ZNF704: variants seen among roughly 807,000 people sequenced by gnomAD.
The protein encoded by ZNF704 is zinc finger protein 704.
Under a neutral mutation model 44.7 loss-of-function variants are expected in ZNF704, and 10 were observed. That is an observed-to-expected ratio of 0.22 (90% confidence interval 0.14 to 0.38). The LOEUF is 0.38. Among genes scored for constraint, ZNF704 ranks in the 10% least tolerant of loss-of-function variants. ZNF704 has a pLI of 1.00. For synonymous variants in ZNF704, 211 were observed against 207.6 expected, an observed-to-expected ratio of 1.02 and a Z score of -0.14; for missense variants, 390 against 545.5, an observed-to-expected ratio of 0.71 and a Z score of 2.84.
intron 2 of ZNF704, among the ~76,000 whole-genome samples, chr8:80,798,333 G>A (rs944258619): frequency 6.6e-5 from 10 of 151,156 alleles, no homozygotes; most frequent in Admixed American, 2.6e-4. Context: ...TTAGCTCACC[G>A]CAACCTCCGC....
chr8:80,862,322 AATAAAG>A (rs1480760358), intron 1 of ZNF704, among the ~76,000 whole-genome samples: 5 of 152,114 alleles, frequency 3.3e-5, no homozygotes, highest in African/African-American at 1.2e-4. Flanking sequence ...TAGTTTTAAA[AATAAAG>A]ATAATTTTTC....
intron 2 of ZNF704, among the ~76,000 whole-genome samples, chr8:80,733,865 G>T (rs1806622442): frequency 6.6e-6 from 1 of 152,056 alleles, no homozygotes; most frequent in Non-Finnish European, 1.5e-5. Context: ...GTTCTCAGAG[G>T]GAAGGATGGT....
In ZNF704 at chr8:80,653,778, T is replaced by C. The variant is rs565073076; in HGVS notation, c.1032+5807A>G. Among the ~76,000 whole-genome samples, 10 of 152,318 alleles carry C rather than the reference T, an allele frequency of 6.6e-5. No individual in the cohort carries two copies. The East Asian group carries it at 9.6e-4, about 15-fold the overall frequency. The stretch of plus-strand genomic sequence containing the variant: ...TGGCCATACTGCCCAAGGTAATTCA[T>C]AGATTCAATGTCATCCCCATCAAGC... On this transcript the variant is annotated intron_variant, in intron 7 of 8. Coordinates refer to ENST00000327835, the MANE Select transcript of ZNF704 (RefSeq NM_001033723.3).
intron 2 of ZNF704, among the ~76,000 whole-genome samples, chr8:80,789,747 A>G (rs891207020): frequency 1.3e-5 from 2 of 152,038 alleles, no homozygotes; most frequent in Non-Finnish European, 2.9e-5. Context: ...GTCCTCTGAA[A>G]AACTAATAAC....
At chr8:80,717,178 G>A (rs1346392000) in intron 2 of ZNF704, among the ~76,000 whole-genome samples, 1 of 152,170 alleles carries the variant, frequency 6.6e-6, no homozygotes, top group Non-Finnish European at 1.5e-5. Flanking sequence ...ATCACTTCAT[G>A]GTCATTGCAT....
intron 2 of ZNF704, among the ~76,000 whole-genome samples, chr8:80,737,067 G>A (rs570308668): frequency 5.3e-5 from 8 of 152,196 alleles, no homozygotes; most frequent in South Asian, 4.2e-4. Context: ...GAACAATAAC[G>A]CTATAGTAGG....
chr8:80,685,714 C>G (rs1432306435), intron 4 of ZNF704, among the ~76,000 whole-genome samples: 1 of 152,224 alleles, frequency 6.6e-6, no homozygotes, highest in Non-Finnish European at 1.5e-5. Context: ...GTAATATCCT[C>G]TTTTCTGGAC....
At chr8:80,859,331 CA>C (rs1809019838) in intron 1 of ZNF704, among the ~76,000 whole-genome samples, 1 of 152,096 alleles carries the variant, frequency 6.6e-6, no homozygotes, top group South Asian at 2.1e-4. Context: ...GTTAATCTAC[CA>C]GGGGTAGGAA....
intron 4 of ZNF704, chr8:80,673,158 T>A (rs890873343): frequency 2.0e-5 from 3 of 152,260 alleles, no homozygotes; most frequent in African/African-American, 7.2e-5. Context: ...CCTTAAATCA[T>A]AATTACAGGA....
intron 2 of ZNF704, among the ~76,000 whole-genome samples, chr8:80,767,306 T>C (rs1807244151): frequency 6.6e-6 from 1 of 151,944 alleles, no homozygotes; most frequent in Non-Finnish European, 1.5e-5. Context: ...ATTAAAGTAT[T>C]CATTGTTCAT....
chr8:80,793,266 A>G (rs910532265), intron 2 of ZNF704, among the ~76,000 whole-genome samples: 7 of 152,140 alleles, frequency 4.6e-5, no homozygotes, highest in African/African-American at 1.7e-4. Flanking sequence ...ACGGGAGAAA[A>G]AGTGCGTGTG....
chr8:80,724,005 C>A (rs1806427492), intron 2 of ZNF704, among the ~76,000 whole-genome samples: 1 of 152,188 alleles, frequency 6.6e-6, no homozygotes. Flanking sequence ...AAAACCATTA[C>A]AAGCCTTTTA....
At chr8:80,805,278 A>G (rs1413433667) in intron 2 of ZNF704, among the ~76,000 whole-genome samples, 2 of 152,110 alleles carry the variant, frequency 1.3e-5, no homozygotes, top group African/African-American at 4.8e-5. Flanking sequence ...AGCTCTGGGG[A>G]ACATGGAGAA....
chr8:80,867,600 C>T (rs1053106008), intron 1 of ZNF704, among the ~76,000 whole-genome samples: 1 of 152,120 alleles, frequency 6.6e-6, no homozygotes, highest in African/African-American at 2.4e-5. Context: ...CAGCAGTCCA[C>T]GATTCAATGA....
chr8:80,850,028 T>C (rs1471132437), intron 1 of ZNF704, among the ~76,000 whole-genome samples: 1 of 152,208 alleles, frequency 6.6e-6, no homozygotes, highest in African/African-American at 2.4e-5. Context: ...TGTATTCATA[T>C]GTAATGGTAA....
At chr8:80,728,782 T>C (rs1384127549) in intron 2 of ZNF704, among the ~76,000 whole-genome samples, 1 of 152,190 alleles carries the variant, frequency 6.6e-6, no homozygotes, top group Non-Finnish European at 1.5e-5. Flanking sequence ...GCTCCTAAAC[T>C]CACTTTGTAA....
upstream of ZNF704, among the ~76,000 whole-genome samples, chr8:80,877,674 A>C (rs750061977): frequency 2.8e-4 from 42 of 152,318 alleles, no homozygotes; most frequent in Non-Finnish European, 4.7e-4. Context: ...TCCTCATCTA[A>C]AACATTTCAT....
At chr8:80,834,762 T>C (rs112048621) in intron 1 of ZNF704, among the ~76,000 whole-genome samples, 50 of 152,286 alleles carry the variant, frequency 3.3e-4, no homozygotes, top group African/African-American at 9.4e-4. Context: ...GAACTCCCAC[T>C]CATGAGTGAG....
At position 80,870,181 on chromosome 8, in the gene ZNF704, CA is replaced by C. The variant is rs377646247; in HGVS notation, c.-22+4389del. On this transcript the variant is annotated intron_variant, in intron 1 of 8. Transcript: ENST00000327835. The stretch of plus-strand genomic sequence containing the variant: ...AGAAACTCTAAGAACTGTTTTAAAG[CA>C]AAAAAAAATTTGTAGTAATTTGTTA... Among the ~76,000 whole-genome samples, 922 of 150,726 alleles carry C rather than the reference CA, an allele frequency of 6.1e-3. 7 individuals are homozygous for C. The highest frequency in any genetic ancestry group is 0.021 in the African/African-American group (872 of 41,138).
Sources: gnomAD v4.1 joint callset for allele counts (sites outside exome capture counted in the v4.1 genomes callset) on GRCh38, gnomAD v4.1.1 for gene constraint, MANE v1.5 for transcripts, NCBI Gene and HGNC (gene_info 2026-07-23, HGNC 2026-07-21) for gene names.